The following DPP6 variants were observed in gnomAD, a reference collection of about 807,000 sequenced individuals.
DPP6 encodes the protein A-type potassium channel modulatory protein DPP6.
DPP6 carries 69 observed loss-of-function variants against 122.6 expected under a neutral mutation model. That is an observed-to-expected ratio of 0.56 (90% CI 0.46 to 0.69). DPP6 has a LOEUF of 0.69. Among genes scored for constraint, DPP6 ranks in the 30% least tolerant of loss-of-function variants. DPP6 has a pLI of 0.00. For missense variants in DPP6, 928 were observed against 1,116.9 expected, an observed-to-expected ratio of 0.83 and a Z score of 2.41; for synonymous variants, 418 against 433.1, an observed-to-expected ratio of 0.97 and a Z score of 0.43.
chr7:154,232,587 G>T (rs1039138320), intron 1 of DPP6, among the ~76,000 whole-genome samples: 6 of 152,192 alleles, frequency 3.9e-5, no homozygotes, highest in African/African-American at 1.4e-4. Context: ...GAGAACCAAT[G>T]GCCCTGTTAG....
At chr7:154,368,286 T>C (rs775540003) in intron 1 of DPP6, among the ~76,000 whole-genome samples, 1 of 152,160 alleles carries the variant, frequency 6.6e-6, no homozygotes, top group Non-Finnish European at 1.5e-5. Flanking sequence ...GGACTTTTTA[T>C]TGGGGTGCTA....
intron 1 of DPP6, among the ~76,000 whole-genome samples, chr7:154,245,635 CAAAA>C (rs71182888): frequency 9.9e-6 from 1 of 100,664 alleles, no homozygotes; most frequent in Non-Finnish European, 2.0e-5. Context: ...AAGACTGTCT[CAAAA>C]AAAAAAAAAA....
chr7:154,222,960 C>T (rs532624221), intron 1 of DPP6, among the ~76,000 whole-genome samples: 1 of 149,010 alleles, frequency 6.7e-6, no homozygotes, highest in East Asian at 2.0e-4. Context: ...GACACCCCTT[C>T]CGTAAATGTA....
intron 1 of DPP6, among the ~76,000 whole-genome samples, chr7:154,279,099 T>C (rs1316102539): frequency 6.6e-6 from 1 of 150,952 alleles, no homozygotes; most frequent in Non-Finnish European, 1.5e-5. Context: ...GATGCATGTG[T>C]GTGCATTGTG....
chr7:154,158,344 C>T (rs1233550817), intron 1 of DPP6, among the ~76,000 whole-genome samples: 2 of 151,086 alleles, frequency 1.3e-5, no homozygotes, highest in East Asian at 3.9e-4. Flanking sequence ...TTCTTTTTTC[C>T]ATTTATTTTA....
intron 1 of DPP6, among the ~76,000 whole-genome samples, chr7:153,969,328 T>C (rs1795907900): frequency 2.2e-5 from 3 of 137,504 alleles, no homozygotes; most frequent in Admixed American, 2.2e-4. Context: ...CCTTTGGTTA[T>C]TTTGCAGAGT....
intron 1 of DPP6, among the ~76,000 whole-genome samples, chr7:154,242,557 T>C (rs1420541043): frequency 6.6e-6 from 1 of 152,196 alleles, no homozygotes; most frequent in African/African-American, 2.4e-5. Flanking sequence ...TTTTAAGGCA[T>C]TAAACAACAG....
chr7:154,472,303 A>G (rs1314605118), intron 2 of DPP6, among the ~76,000 whole-genome samples: 2 of 152,200 alleles, frequency 1.3e-5, no homozygotes, highest in Non-Finnish European at 2.9e-5. Flanking sequence ...TTTCCTGTTC[A>G]CATTGTCTGC....
At chr7:154,127,674 C>CACAT (rs1244574560) in intron 1 of DPP6, among the ~76,000 whole-genome samples, 89 of 148,134 alleles carry the variant, frequency 6.0e-4, no homozygotes, top group African/African-American at 2.1e-3. Context: ...CACACACACA[C>CACAT]ACAAAACAGC....
At position 154,892,546 on chromosome 7, in the gene DPP6, G is replaced by T; in HGVS notation, c.*66G>T. On this transcript the variant is annotated 3_prime_UTR_variant, in exon 26 of 26. Transcript: ENST00000377770. ...CCAGATGCAACCGAGGGATTTCCCTGCCCTCCCTCTTCCCTCGGAGGGGCG... is the reference window on the plus strand; with the variant it reads ...CCAGATGCAACCGAGGGATTTCCCTTCCCTCCCTCTTCCCTCGGAGGGGCG... The T allele has an allele frequency of 2.0e-6, 3 of 1,509,584 alleles. No homozygotes were observed. The highest frequency in any genetic ancestry group is 2.7e-6 in the Non-Finnish European group (3 of 1,115,510). The allele number at this position is 1,509,584 out of a possible 1,614,324, so 93.5% of individuals were successfully genotyped here.
At position 154,451,936 on chromosome 7, in the gene DPP6, G is replaced by A. The variant is rs566408045; in HGVS notation, c.358+5608G>A. On this transcript the variant is annotated intron_variant, in intron 2 of 25. Coordinates refer to ENST00000377770, the MANE Select transcript of DPP6 (RefSeq NM_130797.4). The stretch of plus-strand genomic sequence containing the variant: ...AATGTTGCACCGCTGCTCCCGCACC[G>A]AGGCCTGACTGCATCCACTCTCCTG... 7.4e-4 allele frequency among the ~76,000 whole-genome samples: 113 copies of A among 152,288 alleles called. 1 individual carries two copies. The South Asian group carries it at 0.012, about 16-fold the overall frequency.
chr7:154,249,659 T>G (rs966890710), intron 1 of DPP6, among the ~76,000 whole-genome samples: 1 of 152,170 alleles, frequency 6.6e-6, no homozygotes, highest in Non-Finnish European at 1.5e-5. Flanking sequence ...AGTATGCTAC[T>G]CACAGCCTTT....
At chr7:154,313,703 A>G (rs1279087262) in intron 1 of DPP6, among the ~76,000 whole-genome samples, 2 of 27,600 alleles carry the variant, frequency 7.2e-5, no homozygotes, top group Non-Finnish European at 1.4e-4. Flanking sequence ...ATATATATAT[A>G]TATATATATA....
At chr7:153,834,974 T>G in the DPP6 span, among the ~76,000 whole-genome samples, 2 of 152,174 alleles carry the variant, frequency 1.3e-5, no homozygotes, top group African/African-American at 4.8e-5. Context: ...AATGGTAGTA[T>G]TAAGAGAGAA....
At chr7:154,426,614 C>T (rs1314457954) in intron 1 of DPP6, among the ~76,000 whole-genome samples, 1 of 151,902 alleles carries the variant, frequency 6.6e-6, no homozygotes, top group African/African-American at 2.4e-5. Context: ...ATGTCTGGTT[C>T]CCATATCGGT....
intron 7 of DPP6, among the ~76,000 whole-genome samples, chr7:154,693,736 C>G (rs1224122086): frequency 6.6e-6 from 1 of 152,144 alleles, no homozygotes; most frequent in East Asian, 1.9e-4. Flanking sequence ...ATCAGAAAAC[C>G]AGAGCACCTG....
At chr7:153,828,406 G>T in the DPP6 span, among the ~76,000 whole-genome samples, 32,606 of 152,112 alleles carry the variant, frequency 0.21, 3,721 homozygotes, top group East Asian at 0.35. Flanking sequence ...ATTGGCAGAA[G>T]CTGAGGGAAG....
Position 154,540,580 on chromosome 7 carries a change from A to C in DPP6, c.506A>C (p.Asn169Thr), listed in dbSNP as rs753562137. The change falls in exon 4 of 26, where the codon AAT (asparagine) becomes ACT (threonine). Residue 169 changes from asparagine to threonine, a missense_variant. Asn to Thr is a moderately conservative substitution (Grantham distance 65, BLOSUM62 0). Transcript: ENST00000377770. The stretch of plus-strand genomic sequence containing the variant: ...CAGAAAGGAACAGTGAGACTGTGGA[A>C]TGTTGAAACAAATACTTCTACTGTC... ...REQKGTVRLWNVETNTSTVLI... is the reference protein window; with the variant it reads ...REQKGTVRLWTVETNTSTVLI... The C allele has an allele frequency of 6.2e-7, 1 of 1,607,542 alleles. No individual in the cohort carries two copies. The highest frequency in any genetic ancestry group is 1.1e-5 in the South Asian group (1 of 89,478).
the DPP6 span, among the ~76,000 whole-genome samples, chr7:153,761,769 A>G: frequency 6.6e-6 from 1 of 152,200 alleles, no homozygotes; most frequent in Non-Finnish European, 1.5e-5. Context: ...AATTTATCCA[A>G]TGCCGAATAC....
Sources: allele counts gnomAD v4.1 joint callset (sites outside exome capture counted in the v4.1 genomes callset), GRCh38; gene constraint gnomAD v4.1.1; transcripts MANE v1.5; gene names NCBI Gene and HGNC (gene_info 2026-07-23, HGNC 2026-07-21).